Variants in PPP2R1A observed in about 807,000 individuals in gnomAD.
The protein encoded by PPP2R1A is protein phosphatase 2 scaffold subunit Aalpha.
Under a neutral mutation model 67.1 loss-of-function variants are expected in PPP2R1A, and 15 were observed. That is an observed-to-expected ratio of 0.22 (90% CI 0.15 to 0.34). The LOEUF is 0.34. Among genes scored for constraint, PPP2R1A ranks in the 10% least tolerant of loss-of-function variants. PPP2R1A has a pLI of 1.00. For synonymous variants in PPP2R1A, 337 were observed against 325.0 expected, an observed-to-expected ratio of 1.04 and a Z score of -0.40; for missense variants, 369 against 775.0, an observed-to-expected ratio of 0.48 and a Z score of 6.22.
intron 14 of PPP2R1A, 66 bp from the exon 15 acceptor site, chr19:52,225,899 G>T (rs1979229396): frequency 8.7e-6 from 14 of 1,613,622 alleles, no homozygotes; most frequent in Non-Finnish European, 1.2e-5. Context: ...GGAGGGGGAG[G>T]TACCTTGGCA....
chr19:52,207,283 C>G (rs2089614046), intron 3 of PPP2R1A, among the ~76,000 whole-genome samples: 1 of 152,150 alleles, frequency 6.6e-6, no homozygotes, highest in Non-Finnish European at 1.5e-5. Context: ...TGGTATTTGT[C>G]AGGTGGAACT....
rs1240197556 is a variant in PPP2R1A, at chr19:52,190,181, A to C, written c.78+7A>C. On this transcript the variant is annotated splice_region_variant and intron_variant, in intron 1 of 14. Transcript: ENST00000322088. ...CCGCAATGAGGACGTTCAGGTCCGG[A>C]GGCTACGGGGGACTTGGGGAAGACG... The C allele has an allele frequency of 1.3e-6, 2 of 1,550,280 alleles. No homozygotes were observed. Among genetic ancestry groups the C allele is most frequent in the African/African-American group, 2.7e-5 (2 of 72,912 alleles).
chr19:52,226,125 C>G lies in PPP2R1A; in HGVS notation c.*144C>G. 7.9e-7 allele frequency: 1 copy of G among 1,273,232 alleles called. No homozygotes were observed. The highest frequency in any genetic ancestry group is 1.1e-6 in the Non-Finnish European group (1 of 899,988). 78.9% of individuals were successfully genotyped at this position (1,273,232 alleles called of 1,614,324 possible). On this transcript the variant is annotated 3_prime_UTR_variant, in exon 15 of 15. Transcript: ENST00000322088. The stretch of plus-strand genomic sequence containing the variant: ...GGCCCCTTCCCCCAGCACGGTTCCT[C>G]CTCTCCCCAGCCTGGGAAGATGTCT...
chr19:52,227,818 C>T lies in PPP2R1A; in HGVS notation c.*1837C>T, dbSNP rs762482725. ...AAATGTGAACACACGTGTAACCAAA[C>T]GTCAAAGTCTGACATTAAACTTTGA... On this transcript the variant is annotated 3_prime_UTR_variant, in exon 15 of 15. Transcript: ENST00000322088. 1.4e-4 allele frequency: 21 copies of T among 152,194 alleles called. No individual in the cohort carries two copies. The highest frequency in any genetic ancestry group is 4.6e-4 in the African/African-American group (19 of 41,426). The allele number at this position is 152,194 out of a possible 1,614,324, so 9.4% of individuals were successfully genotyped here.
intron 2 of PPP2R1A, 142 bp downstream of exon 2, chr19:52,202,176 C>A: frequency 3.0e-6 from 2 of 670,638 alleles, no homozygotes; most frequent in Non-Finnish European, 2.6e-6. Context: ...AAAAGGGATT[C>A]AGAGAAGTGC....
In PPP2R1A at chr19:52,211,915, C is replaced by T. The variant is rs989459644; in HGVS notation, c.503+423C>T. On this transcript the variant is annotated intron_variant, in intron 4 of 14. Coordinates refer to ENST00000322088, the MANE Select transcript of PPP2R1A (RefSeq NM_014225.6). The surrounding 1 kb of genome is among the most constrained non-coding windows in gnomAD (Gnocchi z 5.3). ...GCCTCCTGCTCGTCTACTTTGCAAA[C>T]GATTGACCGTCAAGCCCGGGTTTGA... Among the ~76,000 whole-genome samples, 9 of 152,208 alleles carry T rather than the reference C, an allele frequency of 5.9e-5. No homozygotes were observed. The highest frequency in any genetic ancestry group is 2.6e-4 in the Admixed American group (4 of 15,276).
At chr19:52,192,557 T>G (rs976729466) in intron 1 of PPP2R1A, among the ~76,000 whole-genome samples, 1 of 152,018 alleles carries the variant, frequency 6.6e-6, no homozygotes, top group African/African-American at 2.4e-5. Flanking sequence ...CAGGTGATCC[T>G]CCTGCCTCGG....
In PPP2R1A at chr19:52,220,261, C is replaced by G; in HGVS notation, c.1363+12C>G. 2 of 1,613,124 alleles carry G rather than the reference C, an allele frequency of 1.2e-6. No homozygotes were observed. Among genetic ancestry groups the G allele is most frequent in the Non-Finnish European group, 1.7e-6 (2 of 1,179,260 alleles). ...GCTTGTGGATCATGGTGAGTACCTTCACAGGAGCAGCAAGAGGAGATGGGA... is the reference window on the plus strand; with the variant it reads ...GCTTGTGGATCATGGTGAGTACCTTGACAGGAGCAGCAAGAGGAGATGGGA... On this transcript the variant is annotated intron_variant, in intron 11 of 14. Coordinates refer to ENST00000322088, the MANE Select transcript of PPP2R1A (RefSeq NM_014225.6).
At chr19:52,204,517 G>A (rs1406070378) in intron 2 of PPP2R1A, among the ~76,000 whole-genome samples, 2 of 152,218 alleles carry the variant, frequency 1.3e-5, no homozygotes, top group African/African-American at 4.8e-5. Flanking sequence ...ATAGTTCTCT[G>A]TGGATTGGTG....
At chr19:52,201,026 G>C (rs13346076) in intron 1 of PPP2R1A, 3 of 151,130 alleles carry the variant, frequency 2.0e-5, no homozygotes, top group Non-Finnish European at 4.4e-5. Context: ...TGATGTGCAC[G>C]TCACTGGATT....
In PPP2R1A at chr19:52,212,626, G is replaced by A; in HGVS notation, c.504-60G>A. ...CTGGACCCACACAACTGCAGAGTCT[G>A]TGCTTGCTCCTCTCTGCCATACTGC... is the stretch of plus-strand genomic sequence containing the variant. On this transcript the variant is annotated intron_variant, in intron 4 of 14. Transcript: ENST00000322088. The surrounding 1 kb of genome is among the most constrained non-coding windows in gnomAD (Gnocchi z 4.1). 1 of 1,584,514 alleles carries A rather than the reference G, an allele frequency of 6.3e-7. No individual in the cohort carries two copies. The highest frequency in any genetic ancestry group is 8.6e-7 in the Non-Finnish European group (1 of 1,168,036).
At chr19:52,222,614 A>G (rs1568599414) in intron 13 of PPP2R1A, among the ~76,000 whole-genome samples, 1 of 152,244 alleles carries the variant, frequency 6.6e-6, no homozygotes, top group Non-Finnish European at 1.5e-5. Flanking sequence ...GTAAAACACT[A>G]ATGTGAGAAA....
At position 52,213,575 on chromosome 19, in the gene PPP2R1A, C is replaced by T. The variant is rs931629411; in HGVS notation, c.807+465C>T. Among the ~76,000 whole-genome samples the T allele has an allele frequency of 7.3e-5, 11 of 149,712 alleles. No individual in the cohort carries two copies. Among genetic ancestry groups the T allele is most frequent in the East Asian group, 4.0e-4 (2 of 5,056 alleles). ...TTGGCTCACTGCAGCCTGTCCCTCCCGGGTGCAGGCATTTCTCCTGCCTCA... is the reference window on the plus strand; with the variant it reads ...TTGGCTCACTGCAGCCTGTCCCTCCTGGGTGCAGGCATTTCTCCTGCCTCA... On this transcript the variant is annotated intron_variant, in intron 6 of 14. Coordinates refer to ENST00000322088, the MANE Select transcript of PPP2R1A (RefSeq NM_014225.6). This position sits in a 1 kb window ranked among gnomAD's most constrained non-coding sequence, Gnocchi z 4.2.
chr19:52,194,172 G>A (rs1037925125), intron 1 of PPP2R1A, among the ~76,000 whole-genome samples: 1 of 152,028 alleles, frequency 6.6e-6, no homozygotes, highest in East Asian at 1.9e-4. Flanking sequence ...TTGTTAGATA[G>A]GGAGGTTAGA....
At position 52,211,519 on chromosome 19, in the gene PPP2R1A, C is replaced by G; in HGVS notation, c.503+27C>G. 1 of 1,584,064 alleles carries G rather than the reference C, an allele frequency of 6.3e-7. No individual in the cohort carries two copies. The highest frequency in any genetic ancestry group is 8.6e-7 in the Non-Finnish European group (1 of 1,162,590). ...TGAGTCTCTGCCTCCTTGGAAGCTC[C>G]AAGCTCCCATCTCAGCTCCAACCTT... On this transcript the variant is annotated intron_variant, in intron 4 of 14. Transcript: ENST00000322088. This position sits in a 1 kb window ranked among gnomAD's most constrained non-coding sequence, Gnocchi z 5.3.
intron 13 of PPP2R1A, chr19:52,222,486 G>T: frequency 2.4e-6 from 1 of 418,130 alleles, no homozygotes; most frequent in Admixed American, 4.3e-5. Flanking sequence ...ATTAGAAAAT[G>T]AAATCACCTT....
Position 52,213,567 on chromosome 19 carries a change from G to C in PPP2R1A, c.807+457G>C, listed in dbSNP as rs7254030. Among the ~76,000 whole-genome samples, 23,547 of 142,636 alleles carry C rather than the reference G, an allele frequency of 0.17. 2,365 individuals are homozygous for C. Among genetic ancestry groups the C allele is most frequent in the African/African-American group, 0.3 (11,491 of 38,270 alleles). 93.6% of individuals were successfully genotyped at this position (142,636 alleles called of 152,430 possible). ...GCGCAATCTTGGCTCACTGCAGCCT[G>C]TCCCTCCCGGGTGCAGGCATTTCTC... On this transcript the variant is annotated intron_variant, in intron 6 of 14. Transcript: ENST00000322088. This position sits in a 1 kb window ranked among gnomAD's most constrained non-coding sequence, Gnocchi z 4.2.
Position 52,227,971 on chromosome 19 carries a change from C to T in PPP2R1A, c.*1990C>T, listed in dbSNP as rs940902839. 3.9e-5 allele frequency: 6 copies of T among 152,160 alleles called. No homozygotes were observed. The highest frequency in any genetic ancestry group is 6.5e-5 in the Admixed American group (1 of 15,280). The allele number at this position is 152,160 out of a possible 1,614,324, so 9.4% of individuals were successfully genotyped here. A position where few individuals can be genotyped will look rare whatever the true frequency, so the allele number is the denominator to read the frequency against. ...CCTGCCCCGACCTGCTCAGGCAGAG[C>T]CTTCATTTTAACAAGATGCCCAGGT... is the stretch of plus-strand genomic sequence containing the variant. On this transcript the variant is annotated 3_prime_UTR_variant, in exon 15 of 15. Transcript: ENST00000322088.
At chr19:52,203,546 C>T (rs2089572520) in intron 2 of PPP2R1A, among the ~76,000 whole-genome samples, 1 of 152,196 alleles carries the variant, frequency 6.6e-6, no homozygotes, top group South Asian at 2.1e-4. Context: ...GTACCTAACA[C>T]TCGGGGTGTG....
Sources: allele counts gnomAD v4.1 joint callset (sites outside exome capture counted in the v4.1 genomes callset), GRCh38; gene constraint gnomAD v4.1.1; non-coding constraint Gnocchi (gnomAD v3.1); transcripts MANE v1.5; gene names NCBI Gene and HGNC (gene_info 2026-07-23, HGNC 2026-07-21).